DCLK1: variants seen among roughly 807,000 people sequenced by gnomAD.
The protein encoded by DCLK1 is serine/threonine-protein kinase DCLK1.
A neutral mutation model predicts 86.2 loss-of-function variants in DCLK1; 16 were observed. The observed-to-expected ratio is 0.19, with a 90% CI of 0.13 to 0.28. The LOEUF is 0.28. Ranked by LOEUF, DCLK1 falls within the 10% of genes least tolerant of loss-of-function variation. The pLI is 1.00. For missense variants in DCLK1, 590 were observed against 940.2 expected (o/e 0.63, Z 4.87); for synonymous variants, 369 against 370.5 (o/e 1.00, Z 0.05).
intron 3 of DCLK1, among the ~76,000 whole-genome samples, chr13:36,092,643 C>A (rs1235250827): frequency 6.6e-6 from 1 of 151,328 alleles, no homozygotes; most frequent in Non-Finnish European, 1.5e-5. Flanking sequence ...CCCGCCACCA[C>A]GCCCGGCTAA....
intron 3 of DCLK1, among the ~76,000 whole-genome samples, chr13:35,986,143 A>T (rs1273327935): frequency 6.6e-6 from 1 of 151,778 alleles, no homozygotes; most frequent in Non-Finnish European, 1.5e-5. Flanking sequence ...CTCTACTAAA[A>T]ATACAAAAAG....
chr13:35,798,335 T>G (rs1028073248), intron 15 of DCLK1, among the ~76,000 whole-genome samples: 2 of 152,194 alleles, frequency 1.3e-5, no homozygotes, highest in South Asian at 4.1e-4. Flanking sequence ...CCCTTGCGGA[T>G]TTTTGGTTTT....
intron 3 of DCLK1, among the ~76,000 whole-genome samples, chr13:35,992,614 T>C (rs1238007399): frequency 1.3e-5 from 2 of 152,136 alleles, no homozygotes; most frequent in Non-Finnish European, 2.9e-5. Flanking sequence ...ATTTTCCTTC[T>C]ATCAATGACC....
intron 3 of DCLK1, among the ~76,000 whole-genome samples, chr13:35,982,589 A>G (rs1017676981): frequency 6.6e-6 from 1 of 152,190 alleles, no homozygotes; most frequent in African/African-American, 2.4e-5. Context: ...TGTGAACATT[A>G]ACAAAGCAAA....
rs1341457615 is a variant in DCLK1, at chr13:36,131,115, G to C, written c.-21C>G. ...CCCCAGGGAAGGCAAACCACGCACCGGTCCGCGGAGAGACGCCGCCGGGGG... is the reference window on the plus strand; with the variant it reads ...CCCCAGGGAAGGCAAACCACGCACCCGTCCGCGGAGAGACGCCGCCGGGGG... On this transcript the variant is annotated splice_region_variant and 5_prime_UTR_variant, in exon 1 of 17. Coordinates refer to ENST00000360631, the MANE Select transcript of DCLK1 (RefSeq NM_001330071.2). 2 of 151,042 alleles carry C rather than the reference G, an allele frequency of 1.3e-5. No individual in the cohort carries two copies. Among genetic ancestry groups the C allele is most frequent in the Non-Finnish European group, 3.0e-5 (2 of 67,520 alleles). The allele number at this position is 151,042 out of a possible 1,614,324, so 9.4% of individuals were successfully genotyped here. A position where few individuals can be genotyped will look rare whatever the true frequency, so the allele number is the denominator to read the frequency against.
chr13:36,070,945 C>T (rs1468145645), intron 3 of DCLK1, among the ~76,000 whole-genome samples: 1 of 151,962 alleles, frequency 6.6e-6, no homozygotes. Context: ...GCGCCCGGCC[C>T]CCATCTTTAT....
chr13:35,979,745 T>C (rs948835604), intron 3 of DCLK1, among the ~76,000 whole-genome samples: 2 of 152,222 alleles, frequency 1.3e-5, no homozygotes, highest in Non-Finnish European at 2.9e-5. Context: ...GTTTTTGCAA[T>C]GTGGTACCCT....
At chr13:35,809,915 A>C (rs1394937748) in intron 12 of DCLK1, among the ~76,000 whole-genome samples, 1 of 152,092 alleles carries the variant, frequency 6.6e-6, no homozygotes, top group Non-Finnish European at 1.5e-5. Context: ...ACCTCGAAAA[A>C]CTATCTCCAA....
intron 10 of DCLK1, among the ~76,000 whole-genome samples, chr13:35,824,717 C>G (rs151126144): frequency 2.6e-3 from 395 of 152,276 alleles, no homozygotes; most frequent in African/African-American, 9.0e-3. Context: ...TATTTTCTTT[C>G]TCTCTTCAAG....
At chr13:35,839,707 A>G (rs1869653564) in intron 6 of DCLK1, among the ~76,000 whole-genome samples, 1 of 152,234 alleles carries the variant, frequency 6.6e-6, no homozygotes, top group East Asian at 1.9e-4. Context: ...AGATCAAAAC[A>G]TAAGCACTGA....
chr13:35,913,847 A>T (rs1160145109), intron 4 of DCLK1, among the ~76,000 whole-genome samples: 2 of 152,178 alleles, frequency 1.3e-5, no homozygotes, highest in Non-Finnish European at 2.9e-5. Flanking sequence ...AATGACTAGA[A>T]CTTGGCAGTT....
At chr13:35,984,925 T>C (rs1451533634) in intron 3 of DCLK1, among the ~76,000 whole-genome samples, 1 of 148,272 alleles carries the variant, frequency 6.7e-6, no homozygotes, top group Admixed American at 6.8e-5. Context: ...ACACACACAC[T>C]TGAGAGGCCT....
intron 3 of DCLK1, among the ~76,000 whole-genome samples, chr13:35,987,325 T>G (rs2153142959): frequency 6.6e-6 from 1 of 152,264 alleles, no homozygotes; most frequent in East Asian, 1.9e-4. Context: ...CTTAGGAGGC[T>G]GAGGCAGGAG....
At chr13:36,019,991 G>C (rs1881706533) in intron 3 of DCLK1, among the ~76,000 whole-genome samples, 1 of 152,182 alleles carries the variant, frequency 6.6e-6, no homozygotes, top group African/African-American at 2.4e-5. Context: ...CATCCTCCCA[G>C]TAATGAGTGA....
At chr13:35,795,925 C>CAAA (rs36039528) in intron 15 of DCLK1, among the ~76,000 whole-genome samples, 2,215 of 90,002 alleles carry the variant, frequency 0.025, 131 homozygotes, top group African/African-American at 0.087. Flanking sequence ...AACTCCATCT[C>CAAA]AAAAAAAAAA....
chr13:35,846,393 A>G (rs946436816), intron 6 of DCLK1: 11 of 985,258 alleles, frequency 1.1e-5, no homozygotes, highest in Non-Finnish European at 1.3e-5. Context: ...TTAGATATCT[A>G]CTACCCTGGC....
At chr13:35,957,736 G>C (rs1878075631) in intron 3 of DCLK1, among the ~76,000 whole-genome samples, 1 of 152,104 alleles carries the variant, frequency 6.6e-6, no homozygotes, top group Admixed American at 6.6e-5. Flanking sequence ...AAAGTATTGA[G>C]TCTGTTGCTT....
intron 3 of DCLK1, among the ~76,000 whole-genome samples, chr13:36,083,631 A>G (rs1049224250): frequency 2.0e-5 from 3 of 152,228 alleles, no homozygotes; most frequent in African/African-American, 4.8e-5. Context: ...CAGCTGATCC[A>G]TATCGCCAAA....
intron 3 of DCLK1, among the ~76,000 whole-genome samples, chr13:36,002,940 G>A (rs750544915): frequency 3.3e-5 from 5 of 152,204 alleles, no homozygotes; most frequent in Non-Finnish European, 5.9e-5. Context: ...TGTCAGGGCA[G>A]TCCCCTGCCC....
Sources: allele counts gnomAD v4.1 joint callset (sites outside exome capture counted in the v4.1 genomes callset), GRCh38; gene constraint gnomAD v4.1.1; transcripts MANE v1.5; gene names NCBI Gene and HGNC (gene_info 2026-07-23, HGNC 2026-07-21).